The following SEMA5A variants were observed in gnomAD, a reference collection of about 807,000 sequenced individuals.
The protein encoded by SEMA5A is semaphorin-5A.
Under a neutral mutation model 135.5 loss-of-function variants are expected in SEMA5A, and 55 were observed. The ratio of observed to expected loss-of-function variants is 0.41; its 90% CI spans 0.33 to 0.51. The LOEUF is 0.51. Ranked by LOEUF, SEMA5A falls within the 20% of genes least tolerant of loss-of-function variation. SEMA5A has a pLI of 0.37. For synonymous variants in SEMA5A, 580 were observed against 546.5 expected (o/e 1.06, Z -0.85); for missense variants, 1,290 against 1,419.9 (o/e 0.91, Z 1.47).
intron 2 of SEMA5A, among the ~76,000 whole-genome samples, chr5:9,381,690 T>C (rs540499853): frequency 2.0e-5 from 3 of 152,172 alleles, no homozygotes; most frequent in East Asian, 3.9e-4. Context: ...CTGAAACCCA[T>C]TGAGTAATTT....
At chr5:9,519,700 A>T (rs1736714290) in intron 1 of SEMA5A, among the ~76,000 whole-genome samples, 1 of 152,186 alleles carries the variant, frequency 6.6e-6, no homozygotes, top group African/African-American at 2.4e-5. Flanking sequence ...GTATTACGAA[A>T]TCCACACAAT....
intron 13 of SEMA5A, among the ~76,000 whole-genome samples, chr5:9,130,618 C>T (rs988073426): frequency 1.1e-4 from 17 of 152,158 alleles, no homozygotes; most frequent in Admixed American, 2.6e-4. Flanking sequence ...TCACAGTGAA[C>T]GTTAAATGAG....
intron 16 of SEMA5A, among the ~76,000 whole-genome samples, chr5:9,073,287 A>G (rs919129801): frequency 1.3e-5 from 2 of 152,214 alleles, no homozygotes; most frequent in East Asian, 3.8e-4. Context: ...CATGTCATCA[A>G]TGAAAGACTG....
Position 9,041,010 on chromosome 5 carries a change from G to T in SEMA5A, c.*1887C>A, listed in dbSNP as rs762324318. On this transcript the variant is annotated 3_prime_UTR_variant, in exon 23 of 23. Coordinates refer to ENST00000382496, the MANE Select transcript of SEMA5A (RefSeq NM_003966.3). ...CCTACTGAGTATGGACTTTGAGCAT[G>T]TGCATATAGACAGAAGACTCTGACA... 5 of 152,220 alleles carry T rather than the reference G, an allele frequency of 3.3e-5. No individual in the cohort carries two copies. Among genetic ancestry groups the T allele is most frequent in the Admixed American group, 6.5e-5 (1 of 15,282 alleles). The allele number at this position is 152,220 out of a possible 1,614,324, so 9.4% of individuals were successfully genotyped here. A position where few individuals can be genotyped will look rare whatever the true frequency, so the allele number is the denominator to read the frequency against.
intron 11 of SEMA5A, among the ~76,000 whole-genome samples, chr5:9,172,609 T>C (rs140721505): frequency 1.3e-5 from 2 of 152,154 alleles, no homozygotes; most frequent in African/African-American, 4.8e-5. Flanking sequence ...CACAAACACA[T>C]GAAAATTGAA....
intron 1 of SEMA5A, among the ~76,000 whole-genome samples, chr5:9,441,105 C>T (rs567258845): frequency 6.6e-6 from 1 of 152,198 alleles, no homozygotes; most frequent in African/African-American, 2.4e-5. Flanking sequence ...AATCACCATG[C>T]ACAGCACAGC....
At chr5:9,239,325 A>G (rs1260026741) in intron 5 of SEMA5A, among the ~76,000 whole-genome samples, 1 of 152,166 alleles carries the variant, frequency 6.6e-6, no homozygotes. Flanking sequence ...GATGGTAACA[A>G]TACAGTCATA....
Position 9,432,829 on chromosome 5 carries a change from A to G in SEMA5A, c.-78+4927T>C, listed in dbSNP as rs774699457. On this transcript the variant is annotated intron_variant, in intron 2 of 22. Transcript: ENST00000382496. ...TTAATGCAAACACCTTAAGTTAGCT[A>G]CAAGAATGAGCCAAGAAGCAAAGCA... Among the ~76,000 whole-genome samples the G allele has an allele frequency of 4.6e-5, 7 of 152,330 alleles. No homozygotes were observed. In the South Asian group the frequency reaches 6.2e-4, roughly 14 times the overall value.
intron 13 of SEMA5A, among the ~76,000 whole-genome samples, chr5:9,124,965 A>T (rs1289078380): frequency 6.6e-6 from 1 of 151,998 alleles, no homozygotes; most frequent in Non-Finnish European, 1.5e-5. Context: ...ACAGGAAACA[A>T]CTCTATGTAC....
At chr5:9,530,472 T>C (rs1216844984) in intron 1 of SEMA5A, among the ~76,000 whole-genome samples, 2 of 152,150 alleles carry the variant, frequency 1.3e-5, no homozygotes, top group Non-Finnish European at 2.9e-5. Flanking sequence ...AAATAAATAA[T>C]AAAATGTTCT....
At chr5:9,160,845 T>C (rs559082142) in intron 11 of SEMA5A, among the ~76,000 whole-genome samples, 1 of 152,232 alleles carries the variant, frequency 6.6e-6, no homozygotes, top group African/African-American at 2.4e-5. Flanking sequence ...AAAGGTAAAG[T>C]TTGCACACTG....
chr5:9,489,577 G>C (rs1734899728), intron 1 of SEMA5A, among the ~76,000 whole-genome samples: 1 of 152,120 alleles, frequency 6.6e-6, no homozygotes, highest in African/African-American at 2.4e-5. Context: ...TTAAGTATAA[G>C]AAATTTTGAG....
intron 1 of SEMA5A, among the ~76,000 whole-genome samples, chr5:9,531,685 C>A (rs950239668): frequency 6.6e-6 from 1 of 152,160 alleles, no homozygotes; most frequent in Non-Finnish European, 1.5e-5. Context: ...GGTATCCATG[C>A]CAGGACAAGG....
chr5:9,431,355 T>C (rs1284497920), intron 2 of SEMA5A, among the ~76,000 whole-genome samples: 1 of 152,228 alleles, frequency 6.6e-6, no homozygotes, highest in Admixed American at 6.5e-5. Context: ...TACTGTTACA[T>C]GAAAATGTGG....
chr5:9,398,220 A>G (rs1257912420), intron 2 of SEMA5A, among the ~76,000 whole-genome samples: 1 of 152,206 alleles, frequency 6.6e-6, no homozygotes, highest in Non-Finnish European at 1.5e-5. Flanking sequence ...AAACACTATG[A>G]TATCCAGAAG....
At chr5:9,373,646 G>A in intron 3 of SEMA5A, among the ~76,000 whole-genome samples, 1 of 152,162 alleles carries the variant, frequency 6.6e-6, no homozygotes, top group East Asian at 1.9e-4. Context: ...CTGGGACCTG[G>A]GAATGGAAAT....
At chr5:9,519,626 T>C (rs1416854436) in intron 1 of SEMA5A, among the ~76,000 whole-genome samples, 1 of 152,230 alleles carries the variant, frequency 6.6e-6, no homozygotes, top group Non-Finnish European at 1.5e-5. Context: ...GAAAAATTCC[T>C]TAGATATGTT....
chr5:9,143,777 C>T (rs1034161066), intron 12 of SEMA5A, among the ~76,000 whole-genome samples: 2 of 152,210 alleles, frequency 1.3e-5, no homozygotes, highest in African/African-American at 4.8e-5. Context: ...TCCACTCCCT[C>T]TTTAAGCACT....
intron 1 of SEMA5A, among the ~76,000 whole-genome samples, chr5:9,541,989 T>G: frequency 6.6e-6 from 1 of 152,240 alleles, no homozygotes; most frequent in East Asian, 1.9e-4. Context: ...GCTTCAATTT[T>G]GAATCGAAGC....
Sources: gnomAD v4.1 joint callset for allele counts (sites outside exome capture counted in the v4.1 genomes callset) on GRCh38, gnomAD v4.1.1 for gene constraint, MANE v1.5 for transcripts, NCBI Gene and HGNC (gene_info 2026-07-23, HGNC 2026-07-21) for gene names.